PPP1R7: variants seen among roughly 807,000 people sequenced by gnomAD.
PPP1R7 encodes the protein protein phosphatase 1 regulatory subunit 7.
In PPP1R7, 18 loss-of-function variants were observed where a neutral mutation model predicts 45.2. That is an observed-to-expected ratio of 0.40 (90% CI 0.28 to 0.59). PPP1R7 has a LOEUF of 0.59. PPP1R7 is among the 20% of genes least tolerant of loss of function. PPP1R7 has a pLI of 0.46. For synonymous variants in PPP1R7, 181 were observed against 183.4 expected, an observed-to-expected ratio of 0.99 and a Z score of 0.11; for missense variants, 314 against 455.8, an observed-to-expected ratio of 0.69 and a Z score of 2.83.
chr2:241,165,764 T>G (rs1483345012), intron 7 of PPP1R7, among the ~76,000 whole-genome samples: 2 of 150,556 alleles, frequency 1.3e-5, no homozygotes, highest in Non-Finnish European at 3.0e-5. Flanking sequence ...CGGCTAATTT[T>G]TTTTGTATTT....
intron 8 of PPP1R7, among the ~76,000 whole-genome samples, chr2:241,166,693 G>A (rs1217103061): frequency 6.6e-6 from 1 of 152,208 alleles, no homozygotes; most frequent in Non-Finnish European, 1.5e-5. Context: ...CTTTATGTGG[G>A]ATTTCAGCAC....
chr2:241,150,158 A>G (rs7584799), upstream of PPP1R7: 437,484 of 1,259,708 alleles, frequency 0.35, 79,349 homozygotes, highest in Middle Eastern at 0.4. Context: ...GTCAACTCTC[A>G]AGCCCAGGGC....
intron 7 of PPP1R7, among the ~76,000 whole-genome samples, chr2:241,163,964 G>A (rs1018188868): frequency 1.3e-5 from 2 of 151,344 alleles, no homozygotes; most frequent in African/African-American, 4.9e-5. Flanking sequence ...CCAGGCAGGA[G>A]TGCAGTGACA....
chr2:241,149,944 G>A (rs2067207003), upstream of PPP1R7: 5 of 1,428,072 alleles, frequency 3.5e-6, no homozygotes, highest in Non-Finnish European at 4.6e-6. Flanking sequence ...GTCAAGAGAA[G>A]GCGGCATTTC....
chr2:241,164,750 T>TA (rs901685513), intron 7 of PPP1R7, among the ~76,000 whole-genome samples: 1 of 151,576 alleles, frequency 6.6e-6, no homozygotes, highest in Non-Finnish European at 1.5e-5. Flanking sequence ...ATTAAAAATA[T>TA]AAAAAAAAGC....
In PPP1R7 at chr2:241,183,156, A is replaced by G; in HGVS notation, c.*333A>G. The G allele has an allele frequency of 7.6e-6, 3 of 396,314 alleles. No homozygotes were observed. The highest frequency in any genetic ancestry group is 1.5e-5 in the Non-Finnish European group (3 of 206,206). 24.5% of individuals were successfully genotyped at this position (396,314 alleles called of 1,614,324 possible). On this transcript the variant is annotated 3_prime_UTR_variant, in exon 10 of 10. Transcript: ENST00000234038. ...TCCCTACCTGAGTCGTGTGAAACAC[A>G]GGGCCTGAGAGTGCTTTACAGGCAT...
At chr2:241,153,958 G>A (rs926955276) in intron 2 of PPP1R7, among the ~76,000 whole-genome samples, 1 of 152,030 alleles carries the variant, frequency 6.6e-6, no homozygotes, top group Non-Finnish European at 1.5e-5. Flanking sequence ...AAGGCGGGTG[G>A]ATCACGAGGT....
chr2:241,159,132 C>A (rs2067526776), intron 4 of PPP1R7, 81 bp from the exon 5 acceptor site: 4 of 1,501,426 alleles, frequency 2.7e-6, no homozygotes, highest in Middle Eastern at 1.8e-4. Context: ...AAAGGCCTTT[C>A]TTGTGTCCTC....
chr2:241,152,544 C>T (rs981345825), intron 1 of PPP1R7, among the ~76,000 whole-genome samples: 1 of 152,214 alleles, frequency 6.6e-6, no homozygotes, highest in Non-Finnish European at 1.5e-5. Context: ...TTTATAAGGA[C>T]TTGTTTTCTA....
At chr2:241,151,737 C>T (rs1228202201) in intron 1 of PPP1R7, among the ~76,000 whole-genome samples, 1 of 152,084 alleles carries the variant, frequency 6.6e-6, no homozygotes, top group African/African-American at 2.4e-5. Context: ...CTCACTGTCC[C>T]ACTCCCACCC....
upstream of PPP1R7, chr2:241,150,162 C>T (rs1017507341): frequency 2.4e-6 from 3 of 1,268,530 alleles, no homozygotes; most frequent in Non-Finnish European, 3.0e-6. Flanking sequence ...ACTCTCAAGC[C>T]CAGGGCGTCT....
In PPP1R7 at chr2:241,159,282, C is replaced by G; in HGVS notation, c.373C>G (p.Leu125Val). The change falls in exon 5 of 10, where the codon CTG (leucine) becomes GTG (valine). Residue 125 changes from leucine (L) to valine (V), a missense_variant. By Grantham distance (32) the Leu-to-Val change is conservative (BLOSUM62 1). Coordinates refer to ENST00000234038, the MANE Select transcript of PPP1R7 (RefSeq NM_002712.3). Reference protein sequence around the residue: ...NLEELQSLRELDLYDNQIKKI... With the variant: ...NLEELQSLREVDLYDNQIKKI... ...GGAGGAGCTACAGAGTCTTCGAGAG[C>G]TGGATCTTTACGACAACCAGATCAA... The G allele has an allele frequency of 6.2e-7, 1 of 1,613,930 alleles. No individual in the cohort carries two copies. The highest frequency in any genetic ancestry group is 8.5e-7 in the Non-Finnish European group (1 of 1,179,874).
chr2:241,176,347 A>G (rs1279895171), intron 9 of PPP1R7, among the ~76,000 whole-genome samples: 1 of 152,256 alleles, frequency 6.6e-6, no homozygotes, highest in Non-Finnish European at 1.5e-5. Context: ...CCTTACATTA[A>G]AAACAGCTCA....
At chr2:241,161,447 T>C (rs183711859) in intron 6 of PPP1R7, among the ~76,000 whole-genome samples, 194 of 151,964 alleles carry the variant, frequency 1.3e-3, no homozygotes, top group African/African-American at 4.4e-3. Context: ...AAGTGGTCAC[T>C]TGGAGTGAAC....
In PPP1R7 at chr2:241,183,311, T is replaced by C. The variant is rs1574743158; in HGVS notation, c.*488T>C. 1 of 435,046 alleles carries C rather than the reference T, an allele frequency of 2.3e-6. No individual in the cohort carries two copies. The highest frequency in any genetic ancestry group is 4.7e-6 in the Non-Finnish European group (1 of 211,750). 26.9% of individuals were successfully genotyped at this position (435,046 alleles called of 1,614,324 possible). ...TTTTAACCCAGCCATTTTCAATTTT[T>C]TAAAAATTAGGTAAGTTAAAAAAGC... On this transcript the variant is annotated 3_prime_UTR_variant, in exon 10 of 10. Transcript: ENST00000234038.
At chr2:241,162,143 G>A (rs893018992) in intron 6 of PPP1R7, among the ~76,000 whole-genome samples, 1 of 152,138 alleles carries the variant, frequency 6.6e-6, no homozygotes. Context: ...CCAGATGTCC[G>A]CATTTTACCA....
In PPP1R7 at chr2:241,182,920, A is replaced by G; in HGVS notation, c.*97A>G. 7.3e-7 allele frequency: 1 copy of G among 1,364,298 alleles called. No homozygotes were observed. Among genetic ancestry groups the G allele is most frequent in the Non-Finnish European group, 9.9e-7 (1 of 1,006,560 alleles). 84.5% of individuals were successfully genotyped at this position (1,364,298 alleles called of 1,614,324 possible). A position where few individuals can be genotyped will look rare whatever the true frequency, so the allele number is the denominator to read the frequency against. Reference sequence around the variant, plus strand: ...TTGCTCCTGAGGTCGTCACTATATCAACAGTCACAAACCCAATGGCAATAA... The same window carrying G: ...TTGCTCCTGAGGTCGTCACTATATCGACAGTCACAAACCCAATGGCAATAA... On this transcript the variant is annotated 3_prime_UTR_variant, in exon 10 of 10. Coordinates refer to ENST00000234038, the MANE Select transcript of PPP1R7 (RefSeq NM_002712.3).
chr2:241,156,681 A>G (rs1191555462), intron 2 of PPP1R7, among the ~76,000 whole-genome samples: 2 of 152,236 alleles, frequency 1.3e-5, no homozygotes, highest in African/African-American at 4.8e-5. Flanking sequence ...CTCTTAAAAA[A>G]AAATTAATTT....
intron 1 of PPP1R7, chr2:241,151,663 C>T (rs1027875068): frequency 1.4e-5 from 6 of 429,444 alleles, no homozygotes; most frequent in Admixed American, 2.6e-5. Flanking sequence ...TCTTCATATC[C>T]TCCCACTCCC....
Sources: allele counts gnomAD v4.1 joint callset (sites outside exome capture counted in the v4.1 genomes callset), GRCh38; gene constraint gnomAD v4.1.1; transcripts MANE v1.5; gene names NCBI Gene and HGNC (gene_info 2026-07-23, HGNC 2026-07-21).